The following AXIN1 variants were observed in gnomAD, a reference collection of about 807,000 sequenced individuals.
AXIN1 encodes the protein axin-1.
In AXIN1, 30 loss-of-function variants were observed where a neutral mutation model predicts 76.4. The ratio of observed to expected loss-of-function variants is 0.39; its 90% CI spans 0.29 to 0.53. The LOEUF is 0.53. Ranked by LOEUF, AXIN1 falls within the 20% of genes least tolerant of loss-of-function variation. AXIN1 has a pLI of 0.66. For missense variants in AXIN1, 1,140 were observed against 1,198.8 expected, an observed-to-expected ratio of 0.95 and a Z score of 0.72; for synonymous variants, 545 against 501.4, an observed-to-expected ratio of 1.09 and a Z score of -1.16.
At chr16:336,410 G>A (rs1442881417) in intron 2 of AXIN1, among the ~76,000 whole-genome samples, 42 of 152,122 alleles carry the variant, frequency 2.8e-4, no homozygotes, top group Non-Finnish European at 1.6e-4. Context: ...GAACCGTGTC[G>A]CCCAATTAAT....
rs577815825 is a variant in AXIN1, at chr16:324,769, C to T, written c.879-10086G>A. On this transcript the variant is annotated intron_variant, in intron 2 of 10. Transcript: ENST00000262320. ...ATCAGCGACCTGCATCCCGACCCCC[C>T]GGAACAGCACAGCCAGCAGACAGAA... Among the ~76,000 whole-genome samples the T allele has an allele frequency of 9.2e-5, 14 of 152,298 alleles. No homozygotes were observed. The East Asian group carries it at 2.5e-3, about 27-fold the overall frequency.
chr16:347,101 T>C lies in AXIN1; in HGVS notation c.-76A>G. 3 of 1,610,010 alleles carry C rather than the reference T, an allele frequency of 1.9e-6. No individual in the cohort carries two copies. The South Asian group carries it at 3.3e-5, about 18-fold the overall frequency. On this transcript the variant is annotated 5_prime_UTR_variant, in exon 2 of 11. Transcript: ENST00000262320. ...TACTTACAGCTCCAAAGTGAATCAA[T>C]CTGTCCTGTTGAAACCATTAAGAGG...
chr16:351,167 G>A (rs1409068653), intron 1 of AXIN1, among the ~76,000 whole-genome samples: 1 of 150,986 alleles, frequency 6.6e-6, no homozygotes, highest in East Asian at 1.9e-4. Flanking sequence ...AGCTATTGCT[G>A]AGTATCTCGG....
rs529104744 is a variant in AXIN1 at position 310,230 on chromosome 16, C to T, written c.1020-161G>A. Among the ~76,000 whole-genome samples, 12 of 152,302 alleles carry T rather than the reference C, an allele frequency of 7.9e-5. No individual in the cohort carries two copies. The East Asian group carries it at 2.3e-3, about 29-fold the overall frequency. ...CGTGCACACAGGTGATGCAGGCACC[C>T]ATGTGTGCACAGGGGAACATGTACA... On this transcript the variant is annotated intron_variant, in intron 3 of 10. Coordinates refer to ENST00000262320, the MANE Select transcript of AXIN1 (RefSeq NM_003502.4).
At chr16:289,255 G>A (rs185401234) in intron 10 of AXIN1, among the ~76,000 whole-genome samples, 185 bp downstream of exon 10, 116 of 152,166 alleles carry the variant, frequency 7.6e-4, no homozygotes, top group African/African-American at 2.6e-3. Flanking sequence ...TAGTAGAGAC[G>A]GGGTTTCACC....
rs544629330 is a variant in AXIN1 at position 298,090 on chromosome 16, G to A, written c.1416C>T (p.Asp472=). 6.1e-5 allele frequency: 95 copies of A among 1,553,016 alleles called. No individual in the cohort carries two copies. The South Asian group carries it at 9.6e-4, about 16-fold the overall frequency. The part of the protein sequence containing the change: ...AHEENPESIL[D]EHVQRVLRTP... ...TCCTCAGCACACGCTGTACGTGCTCGTCCAGGATGCTCTCAGGGTTCTCCT... is the reference window on the plus strand; with the variant it reads ...TCCTCAGCACACGCTGTACGTGCTCATCCAGGATGCTCTCAGGGTTCTCCT... The change falls in exon 6 of 11, where the codon GAC becomes GAT. Residue 472 remains aspartate (D), a synonymous_variant. Transcript: ENST00000262320.
intron 2 of AXIN1, among the ~76,000 whole-genome samples, chr16:339,712 A>C (rs1467864674): frequency 6.6e-6 from 1 of 151,944 alleles, no homozygotes; most frequent in Non-Finnish European, 1.5e-5. Context: ...AGATCTGCTC[A>C]AACAGGGGAA....
At chr16:323,849 G>A (rs997294698) in intron 2 of AXIN1, among the ~76,000 whole-genome samples, 3 of 152,060 alleles carry the variant, frequency 2.0e-5, no homozygotes, top group Admixed American at 1.3e-4. Context: ...TCTCACCTGC[G>A]TCTCTCTAGG....
rs546300839 is a variant in AXIN1 at position 293,028 on chromosome 16, G to A, written c.2186+460C>T. 387 of 187,066 alleles carry A rather than the reference G, an allele frequency of 2.1e-3. 2 individuals carry two copies. Among genetic ancestry groups the A allele is most frequent in the Non-Finnish European group, 4.4e-4 (39 of 88,466 alleles). 11.6% of individuals were successfully genotyped at this position (187,066 alleles called of 1,614,324 possible). On this transcript the variant is annotated intron_variant, in intron 8 of 10. Transcript: ENST00000262320. The surrounding 1 kb of genome is among the most constrained non-coding windows in gnomAD (Gnocchi z 4.6). Reference sequence around the variant, plus strand: ...CAGGACGACACTTCTACATCTGCACGGCTTTCAGAACCACGTAGCTTTCCG... The same window carrying A: ...CAGGACGACACTTCTACATCTGCACAGCTTTCAGAACCACGTAGCTTTCCG...
intron 4 of AXIN1, among the ~76,000 whole-genome samples, chr16:305,392 A>T (rs913051125): frequency 6.6e-6 from 1 of 152,120 alleles, no homozygotes; most frequent in Non-Finnish European, 1.5e-5. Flanking sequence ...ATCGGATCGC[A>T]TAAGTCCTGG....
chr16:335,531 A>T (rs1423239266), intron 2 of AXIN1, among the ~76,000 whole-genome samples: 1 of 151,212 alleles, frequency 6.6e-6, no homozygotes, highest in African/African-American at 2.4e-5. Context: ...ACCACGGCAC[A>T]CCAATAACAT....
intron 2 of AXIN1, among the ~76,000 whole-genome samples, chr16:337,641 CGGCCACCT>C (rs917377901): frequency 1.2e-4 from 18 of 152,350 alleles, no homozygotes; most frequent in Non-Finnish European, 2.2e-4. Context: ...CCCAGCTACC[CGGCCACCT>C]GGCCACCTAG....
chr16:289,409 G>C (rs376377355), intron 10 of AXIN1, 31 bp downstream of exon 10: 2 of 1,612,076 alleles, frequency 1.2e-6, no homozygotes, highest in Non-Finnish European at 1.7e-6. Flanking sequence ...ATACTCGTGC[G>C]GGGAGGGGGC....
At chr16:289,792 G>A (rs930355548) in intron 9 of AXIN1, 185 bp from the exon 10 acceptor site, 31 of 737,726 alleles carry the variant, frequency 4.2e-5, no homozygotes, top group Non-Finnish European at 5.8e-5. Context: ...TCCGCTAGCA[G>A]TGGAGTCGGC....
rs2141711359 is a variant in AXIN1, at chr16:347,075, G to A, written c.-50C>T. ...ATGAGCGCTGCACCCTAATACATCA[G>A]TACTTACAGCTCCAAAGTGAATCAA... On this transcript the variant is annotated 5_prime_UTR_variant, in exon 2 of 11. Transcript: ENST00000262320. The A allele has an allele frequency of 6.2e-7, 1 of 1,612,830 alleles. No homozygotes were observed. Among genetic ancestry groups the A allele is most frequent in the Non-Finnish European group, 8.5e-7 (1 of 1,179,992 alleles).
chr16:342,218 T>C (rs185933875), intron 2 of AXIN1, among the ~76,000 whole-genome samples: 5 of 152,204 alleles, frequency 3.3e-5, no homozygotes, highest in African/African-American at 9.6e-5. Context: ...GCTTCACTCC[T>C]GAAGCCAGTG....
chr16:348,431 A>T (rs2054075872), intron 1 of AXIN1, among the ~76,000 whole-genome samples: 1 of 152,198 alleles, frequency 6.6e-6, no homozygotes, highest in Admixed American at 6.5e-5. Flanking sequence ...GTCTATGTGG[A>T]ATCTGTCCCC....
At chr16:302,225 T>C (rs2052892668) in intron 5 of AXIN1, among the ~76,000 whole-genome samples, 1 of 152,188 alleles carries the variant, frequency 6.6e-6, no homozygotes, top group Non-Finnish European at 1.5e-5. Flanking sequence ...AGGTTCCCGA[T>C]ATTGGAGGAC....
intron 3 of AXIN1, 53 bp downstream of exon 3, chr16:314,490 C>A (rs1242648506): frequency 1.2e-6 from 2 of 1,610,072 alleles, no homozygotes; most frequent in Non-Finnish European, 1.7e-6. Context: ...TGTCTGGGAC[C>A]GGACTTACAC....
Sources: gnomAD v4.1 joint callset for allele counts (sites outside exome capture counted in the v4.1 genomes callset) on GRCh38, gnomAD v4.1.1 for gene constraint, Gnocchi (gnomAD v3.1) non-coding constraint, MANE v1.5 for transcripts, NCBI Gene and HGNC (gene_info 2026-07-23, HGNC 2026-07-21) for gene names.